NAV2: variants seen among roughly 807,000 people sequenced by gnomAD.
The protein encoded by NAV2 is helicase, APC down-regulated 1.
Under a neutral mutation model 223.2 loss-of-function variants are expected in NAV2, and 54 were observed. The ratio of observed to expected loss-of-function variants is 0.24; its 90% confidence interval spans 0.19 to 0.30. The LOEUF is 0.30. Among genes scored for constraint, NAV2 ranks in the 10% least tolerant of loss-of-function variants. The pLI is 1.00. For synonymous variants in NAV2, 1,279 were observed against 1,239.3 expected (o/e 1.03, Z -0.67); for missense variants, 2,806 against 3,147.5 (o/e 0.89, Z 2.60).
rs1166702950 is a variant in NAV2, at chr11:20,120,811, G to A, written c.*2553G>A. Reference sequence around the variant, plus strand: ...GTCTAATATGCACATTTCTTATTTTGGTCATATTTTTACTTTAGTGTCACT... The same window carrying A: ...GTCTAATATGCACATTTCTTATTTTAGTCATATTTTTACTTTAGTGTCACT... On this transcript the variant is annotated 3_prime_UTR_variant, in exon 38 of 38. Transcript: ENST00000349880. The A allele has an allele frequency of 2.0e-5, 3 of 151,662 alleles. No individual in the cohort carries two copies. In the Admixed American group the frequency reaches 2.0e-4, roughly 10 times the overall value. The allele number at this position is 151,662 out of a possible 1,614,324, so 9.4% of individuals were successfully genotyped here. A position where few individuals can be genotyped will look rare whatever the true frequency, so the allele number is the denominator to read the frequency against.
rs113795830 is a variant in NAV2 at position 19,945,787 on chromosome 11, C to T, written c.2147-614C>T. On this transcript the variant is annotated intron_variant, in intron 8 of 37. Transcript: ENST00000349880. ...TCCTTTGAGGTCAGTACTACCACTGCGTTCCTTTTAGAAAAGTGAAGTCTG... is the reference window on the plus strand; with the variant it reads ...TCCTTTGAGGTCAGTACTACCACTGTGTTCCTTTTAGAAAAGTGAAGTCTG... Among the ~76,000 whole-genome samples, 1,434 of 152,312 alleles carry T rather than the reference C, an allele frequency of 9.4e-3. 7 individuals carry two copies. Among genetic ancestry groups the T allele is most frequent in the African/African-American group, 0.024 (992 of 41,574 alleles).
At chr11:19,741,765 T>G (rs889711625) in intron 1 of NAV2, among the ~76,000 whole-genome samples, 17 of 150,114 alleles carry the variant, frequency 1.1e-4, no homozygotes, top group African/African-American at 4.2e-4. Flanking sequence ...TGATAGACAT[T>G]TATGTTGTTT....
chr11:19,645,748 T>C (rs990562769), intron 1 of NAV2, among the ~76,000 whole-genome samples: 1 of 152,138 alleles, frequency 6.6e-6, no homozygotes, highest in Admixed American at 6.5e-5. Context: ...TTTTTTGCCA[T>C]TACTTTTAAT....
Position 19,934,239 on chromosome 11 carries a change from C to T in NAV2, c.1995C>T (p.Asn665=). The T allele has an allele frequency of 3.7e-6, 6 of 1,610,128 alleles. No homozygotes were observed. Among genetic ancestry groups the T allele is most frequent in the Non-Finnish European group, 5.1e-6 (6 of 1,178,014 alleles). Residue 665 remains asparagine (N), a synonymous_variant, in exon 7 of 38, where the codon AAC becomes AAT. Coordinates refer to ENST00000349880, the MANE Select transcript of NAV2 (RefSeq NM_145117.5). ...VQLPQPQQQY[N]HPNTATVAPF... ...TACCTCAGCCCCAGCAGCAATACAA[C>T]CATCCCAACACTGCCACGGTTGCAC...
chr11:19,658,453 C>T (rs953946253), intron 1 of NAV2, among the ~76,000 whole-genome samples: 15 of 152,142 alleles, frequency 9.9e-5, no homozygotes, highest in African/African-American at 3.6e-4. Flanking sequence ...GGCAGGGGAA[C>T]TAAAATGCTG....
intron 11 of NAV2, among the ~76,000 whole-genome samples, chr11:19,993,317 T>C (rs1360804854): frequency 1.3e-5 from 2 of 152,170 alleles, no homozygotes; most frequent in East Asian, 1.9e-4. Flanking sequence ...ATTTAGAGCA[T>C]TGACAGTCTT....
chr11:19,832,532 C>A lies in NAV2; in HGVS notation c.316C>A (p.Arg106Ser). Residue 106 changes from arginine (R) to serine (S), a missense_variant, in exon 2 of 38, where the codon CGT becomes AGT. Transcript: ENST00000349880. ...TTACCTAGCCAAATCCGGCCACAAG[C>A]GTCTCATCAGGGATCTCCAGCAAGA... The part of the protein sequence containing the change: ...NHYLAKSGHK[R>S]LIRDLQQDVT... 1.9e-6 allele frequency: 3 copies of A among 1,614,156 alleles called. No individual in the cohort carries two copies. Among genetic ancestry groups the A allele is most frequent in the East Asian group, 2.2e-5 (1 of 44,870 alleles).
intron 1 of NAV2, among the ~76,000 whole-genome samples, chr11:19,624,102 T>C (rs1210439878): frequency 6.6e-6 from 1 of 152,152 alleles, no homozygotes; most frequent in Non-Finnish European, 1.5e-5. Flanking sequence ...GAATAACAAA[T>C]GTTGCTGCCT....
intron 10 of NAV2, among the ~76,000 whole-genome samples, chr11:19,976,791 G>A (rs2049799156): frequency 6.6e-6 from 1 of 152,202 alleles, no homozygotes; most frequent in African/African-American, 2.4e-5. Context: ...TGTTCTCCTG[G>A]GGGATGGCTC....
chr11:19,429,517 C>T (rs1439465653), intron 1 of NAV2, among the ~76,000 whole-genome samples: 1 of 152,282 alleles, frequency 6.6e-6, no homozygotes, highest in East Asian at 1.9e-4. Flanking sequence ...TTCATCTTCT[C>T]TAATAGGAGG....
intron 8 of NAV2, among the ~76,000 whole-genome samples, chr11:19,941,829 G>GT (rs1475633187): frequency 6.6e-6 from 1 of 152,286 alleles, no homozygotes; most frequent in African/African-American, 2.4e-5. Flanking sequence ...AGTTAATGGA[G>GT]TTCTTTATTC....
intron 1 of NAV2, among the ~76,000 whole-genome samples, chr11:19,752,758 T>C (rs11025239): frequency 0.11 from 16,946 of 152,224 alleles, 1,098 homozygotes; most frequent in East Asian, 0.24. Flanking sequence ...CAGATAATAC[T>C]ATGAGGGGAT....
intron 8 of NAV2, among the ~76,000 whole-genome samples, chr11:19,944,672 T>TTCTTC (rs1164643240): frequency 6.6e-6 from 1 of 150,652 alleles, no homozygotes; most frequent in African/African-American, 2.4e-5. Flanking sequence ...CTTTTCTCTT[T>TTCTTC]TCTTCTCTTC....
At chr11:19,736,538 G>T (rs1218826962) in intron 1 of NAV2, among the ~76,000 whole-genome samples, 2 of 152,202 alleles carry the variant, frequency 1.3e-5, no homozygotes, top group East Asian at 3.9e-4. Context: ...TCTAATGAAA[G>T]CTGTTGTCAG....
chr11:19,860,986 G>A (rs2061736460), intron 3 of NAV2, among the ~76,000 whole-genome samples: 1 of 149,624 alleles, frequency 6.7e-6, no homozygotes, highest in Non-Finnish European at 1.5e-5. Context: ...CAGCAGTACA[G>A]TCCAGCTTCG....
intron 10 of NAV2, among the ~76,000 whole-genome samples, chr11:19,959,644 G>A (rs7933871): frequency 0.56 from 85,167 of 152,032 alleles, 24,220 homozygotes; most frequent in South Asian, 0.68. Flanking sequence ...CAAATTCAGC[G>A]CATCGTGCAG....
rs560298047 is a variant in NAV2, at chr11:19,564,659, C to G, written c.75+213632C>G. ...GAGTGTCCAGACCTGCCCTCTAGTT[C>G]CCTTCCTGCCGTCCCCTAGAAATCA... On this transcript the variant is annotated intron_variant, in intron 1 of 37. Transcript: ENST00000360655. Among the ~76,000 whole-genome samples the G allele has an allele frequency of 9.4e-4, 129 of 137,858 alleles. 1 individual carries two copies. Among genetic ancestry groups the G allele is most frequent in the Non-Finnish European group, 1.6e-3 (109 of 67,942 alleles). 90.4% of individuals were successfully genotyped at this position (137,858 alleles called of 152,430 possible).
intron 19 of NAV2, among the ~76,000 whole-genome samples, chr11:20,061,827 C>CT (rs1269705104): frequency 6.6e-6 from 1 of 152,120 alleles, no homozygotes; most frequent in Non-Finnish European, 1.5e-5. Flanking sequence ...ATAATCAGCT[C>CT]TTTTTTTGCA....
chr11:19,582,134 C>A (rs910812725), intron 1 of NAV2, among the ~76,000 whole-genome samples: 8 of 152,156 alleles, frequency 5.3e-5, no homozygotes, highest in African/African-American at 1.9e-4. Flanking sequence ...AGCATTTTTT[C>A]ATGTGTTTTT....
Sources: allele counts gnomAD v4.1 joint callset (sites outside exome capture counted in the v4.1 genomes callset), GRCh38; gene constraint gnomAD v4.1.1; transcripts MANE v1.5; gene names NCBI Gene and HGNC (gene_info 2026-07-23, HGNC 2026-07-21).